Variants in IRF3 observed in about 807,000 individuals in gnomAD.
IRF3 encodes the protein interferon regulatory factor 3.
Under a neutral mutation model 43.2 loss-of-function variants are expected in IRF3, and 29 were observed. That is an observed-to-expected ratio of 0.67 (90% CI 0.50 to 0.91). The LOEUF (loss-of-function observed/expected upper bound fraction) is 0.91. IRF3 is among the 40% of genes least tolerant of loss of function. IRF3 has a pLI of 0.00. For missense variants in IRF3, 505 were observed against 559.1 expected, an observed-to-expected ratio of 0.90 and a Z score of 0.98; for synonymous variants, 228 against 233.9, an observed-to-expected ratio of 0.97 and a Z score of 0.23.
chr19:49,660,687 C>T (rs1298971066), intron 7 of IRF3, 26 bp downstream of exon 7: 1 of 1,552,166 alleles, frequency 6.4e-7, no homozygotes, highest in Non-Finnish European at 8.7e-7. Context: ...CCCCTTTCAG[C>T]CCCAGGGACT....
chr19:49,660,986 C>T (rs973925200), intron 6 of IRF3, 158 bp from the exon 7 acceptor site: 1 of 740,722 alleles, frequency 1.4e-6, no homozygotes. Context: ...CTCCTTCCCT[C>T]CCTCCCTCCC....
chr19:49,662,260 C>G lies in IRF3; in HGVS notation c.670G>C (p.Glu224Gln). Reference sequence around the variant, plus strand: ...TCGGACCCCACCAGCCGCAGGCCCTCCGGGCAGGAGATGGTCTGCTGGAAG... The same window carrying G: ...TCGGACCCCACCAGCCGCAGGCCCTGCGGGCAGGAGATGGTCTGCTGGAAG... ...QVFQQTISCPEGLRLVGSEVG... is the reference protein window; with the variant it reads ...QVFQQTISCPQGLRLVGSEVG... The change falls in exon 6 of 8, where the codon GAG (glutamate) becomes CAG (glutamine). Residue 224 changes from glutamate to glutamine, a missense_variant. Glu to Gln is a conservative substitution (Grantham distance 29). Transcript: ENST00000377139. The G allele has an allele frequency of 6.2e-7, 1 of 1,613,962 alleles. No homozygotes were observed. Among genetic ancestry groups the G allele is most frequent in the Non-Finnish European group, 8.5e-7 (1 of 1,180,054 alleles).
chr19:49,664,587 C>G (rs1277697336), intron 2 of IRF3, 87 bp downstream of exon 2: 3 of 1,610,852 alleles, frequency 1.9e-6, no homozygotes, highest in Non-Finnish European at 2.5e-6. Context: ...CGCGCGCCAC[C>G]TCCGCCTTCT....
chr19:49,665,705 C>T lies in IRF3; in HGVS notation c.-83G>A. 4 of 1,375,032 alleles carry T rather than the reference C, an allele frequency of 2.9e-6. No homozygotes were observed. Among genetic ancestry groups the T allele is most frequent in the African/African-American group, 1.4e-5 (1 of 69,112 alleles). The allele number at this position is 1,375,032 out of a possible 1,614,324, so 85.2% of individuals were successfully genotyped here. A position where few individuals can be genotyped will look rare whatever the true frequency, so the allele number is the denominator to read the frequency against. ...TGGAGCTCCGGGTAGCTCTCAAACT[C>T]GAGGCTGCGCACCCCCTTTCCCGTC... is the stretch of plus-strand genomic sequence containing the variant. On this transcript the variant is annotated 5_prime_UTR_variant, in exon 1 of 8. Transcript: ENST00000377139.
At chr19:49,659,933 G>T in intron 7 of IRF3, 100 bp from the exon 8 acceptor site, 1 of 1,310,786 alleles carries the variant, frequency 7.6e-7, no homozygotes, top group Non-Finnish European at 1.0e-6. Context: ...TGCAGCCCCT[G>T]CTGTAACCTA....
intron 6 of IRF3, 170 bp from the exon 7 acceptor site, chr19:49,660,998 C>T: frequency 2.8e-6 from 2 of 722,618 alleles, no homozygotes; most frequent in Middle Eastern, 3.9e-4. Context: ...CTCCCTCCCT[C>T]CCATCAGGGT....
At position 49,662,499 on chromosome 19, in the gene IRF3, A is replaced by G. The variant is rs372603167; in HGVS notation, c.527T>C (p.Leu176Ser). The change falls in exon 5 of 8, where the codon TTG (leucine) becomes TCG (serine). Residue 176 changes from leucine to serine, a missense_variant. Physicochemically the swap from Leu to Ser is moderately radical, Grantham distance 145. Coordinates refer to ENST00000377139, the MANE Select transcript of IRF3 (RefSeq NM_001571.6). ...GTTTGGGAAGGGAGTGGGATTGTCC[A>G]AGCTGGGGCTCCGCAGGGGCTGAGG... The part of the protein sequence containing the change: ...PCPQPLRSPS[L>S]DNPTPFPNLG... 6 of 1,570,688 alleles carry G rather than the reference A, an allele frequency of 3.8e-6. No individual in the cohort carries two copies. The African/African-American group carries it at 6.9e-5, about 18-fold the overall frequency.
At chr19:49,660,032 C>CG (rs1568452162) in intron 7 of IRF3, among the ~76,000 whole-genome samples, 199 bp from the exon 8 acceptor site, 8 of 143,838 alleles carry the variant, frequency 5.6e-5, no homozygotes, top group Non-Finnish European at 1.5e-5. Flanking sequence ...CACACACCCC[C>CG]TGCTGTAACT....
chr19:49,663,572 G>A, intron 2 of IRF3, 58 bp from the exon 3 acceptor site: 1 of 1,564,312 alleles, frequency 6.4e-7, no homozygotes, highest in South Asian at 1.1e-5. Flanking sequence ...CTGCTCCTGG[G>A]GCCCTAACCC....
chr19:49,662,184 C>A lies in IRF3; in HGVS notation c.746G>T (p.Gly249Val). The change falls in exon 6 of 8, where the codon GGC (glycine) becomes GTC (valine). Residue 249 changes from glycine to valine, a missense_variant. Physicochemically the swap from Gly to Val is moderately radical, Grantham distance 109 (BLOSUM62 -3). Transcript: ENST00000377139. Reference sequence around the variant, plus strand: ...CACTCCCCTGTCTGTCAGGGACATGCCAGGGTCTGGCAGTGTGACTGGCCA... The same window carrying A: ...CACTCCCCTGTCTGTCAGGGACATGACAGGGTCTGGCAGTGTGACTGGCCA... ...PGWPVTLPDP[G>V]MSLTDRGVMS... 1 of 1,614,144 alleles carries A rather than the reference C, an allele frequency of 6.2e-7. No homozygotes were observed. Among genetic ancestry groups the A allele is most frequent in the Non-Finnish European group, 8.5e-7 (1 of 1,180,048 alleles).
chr19:49,664,644 G>C, intron 2 of IRF3, 30 bp downstream of exon 2: 2 of 1,610,412 alleles, frequency 1.2e-6, no homozygotes, highest in Middle Eastern at 1.7e-4. Flanking sequence ...GCAGCTCCGG[G>C]TTTCCAGCGT....
chr19:49,662,654 A>G (rs1323259514), intron 4 of IRF3, 37 bp from the exon 5 acceptor site: 9 of 1,491,374 alleles, frequency 6.0e-6, no homozygotes, highest in Non-Finnish European at 7.2e-6. Context: ...AGGCATTTCC[A>G]TATCCTTTTC....
In IRF3 at chr19:49,662,488, T is replaced by A; in HGVS notation, c.538A>T (p.Thr180Ser). 6.3e-7 allele frequency: 1 copy of A among 1,582,546 alleles called. No individual in the cohort carries two copies. The highest frequency in any genetic ancestry group is 2.3e-5 in the East Asian group (1 of 43,602). ...PLRSPSLDNP[T>S]PFPNLGPSEN... ...GAGGGCCCCAGGTTTGGGAAGGGAG[T>A]GGGATTGTCCAAGCTGGGGCTCCGC... Residue 180 changes from threonine to serine, a missense_variant, in exon 5 of 8, where the codon ACT becomes TCT. Thr to Ser is a moderately conservative substitution (Grantham distance 58). Transcript: ENST00000377139.
At position 49,664,716 on chromosome 19, in the gene IRF3, G is replaced by A. The variant is rs780911464; in HGVS notation, c.123C>T (p.Gly41=). ...RTRFRIPWKH[G]LRQDAQQEDF... is the part of the protein sequence containing the mutation. ...CCTCCTGCTGTGCATCCTGCCGTAG[G>A]CCGTGCTTCCAAGGGATGCGGAAGC... The change falls in exon 2 of 8, where the codon GGC becomes GGT. Residue 41 remains glycine (G), a synonymous_variant. Coordinates refer to ENST00000377139, the MANE Select transcript of IRF3 (RefSeq NM_001571.6). 6.2e-7 allele frequency: 1 copy of A among 1,614,050 alleles called. No individual in the cohort carries two copies. The highest frequency in any genetic ancestry group is 8.5e-7 in the Non-Finnish European group (1 of 1,179,966).
Position 49,663,178 on chromosome 19 carries a change from ACATTC to A in IRF3, c.408+5_408+9del. 1 of 1,612,546 alleles carries A rather than the reference ACATTC, an allele frequency of 6.2e-7. No homozygotes were observed. The highest frequency in any genetic ancestry group is 1.1e-5 in the South Asian group (1 of 91,028). The stretch of plus-strand genomic sequence containing the variant: ...AGACTGAGGGGCATGAAAGTTGGGC[ACATTC>A]TCACCTGGGTATCAGAAGTACTGCC... On this transcript the variant is annotated splice_donor_5th_base_variant and intron_variant, in intron 4 of 7. Coordinates refer to ENST00000377139, the MANE Select transcript of IRF3 (RefSeq NM_001571.6).
intron 5 of IRF3, 27 bp from the exon 6 acceptor site, chr19:49,662,355 G>C (rs1473017954): frequency 1.2e-6 from 2 of 1,609,874 alleles, no homozygotes; most frequent in Middle Eastern, 1.7e-4. Context: ...GCGGCATGAA[G>C]GGGAGAGGGG....
chr19:49,665,715 C>G lies in IRF3; in HGVS notation c.-93G>C, dbSNP rs1000090313. On this transcript the variant is annotated 5_prime_UTR_variant, in exon 1 of 8. Coordinates refer to ENST00000377139, the MANE Select transcript of IRF3 (RefSeq NM_001571.6). ...GGTAGCTCTCAAACTCGAGGCTGCG[C>G]ACCCCCTTTCCCGTCAGCTGAGCTC... is the stretch of plus-strand genomic sequence containing the variant. 48 of 1,419,404 alleles carry G rather than the reference C, an allele frequency of 3.4e-5. No homozygotes were observed. The African/African-American group carries it at 4.6e-4, about 14-fold the overall frequency. 87.9% of individuals were successfully genotyped at this position (1,419,404 alleles called of 1,614,324 possible). A position where few individuals can be genotyped will look rare whatever the true frequency, so the allele number is the denominator to read the frequency against.
rs1384058449 is a variant in IRF3, at chr19:49,663,368, A to G, written c.312T>C (p.His104=). The G allele has an allele frequency of 1.2e-6, 2 of 1,614,086 alleles. No individual in the cohort carries two copies. Among genetic ancestry groups the G allele is most frequent in the Non-Finnish European group, 1.7e-6 (2 of 1,180,046 alleles). ...CTGAGTTCACAAACTCGTAGATTTT[A>G]TGTGGGTCGTGAGGGTCCTTGCTCC... ...EDRSKDPHDP[H]KIYEFVNSGV... Residue 104 remains histidine, a synonymous_variant, in exon 3 of 8, where the codon CAT becomes CAC. Coordinates refer to ENST00000377139, the MANE Select transcript of IRF3 (RefSeq NM_001571.6).
Position 49,662,165 on chromosome 19 carries a change from CCT to C in IRF3, c.763_764del (p.Arg255GlyfsTer53), listed in dbSNP as rs757904103. ...LPDPGMSLTD[R>X]GVMSYVRHVL... The stretch of plus-strand genomic sequence containing the variant: ...CATGCCTCACGTAGCTCATCACTCC[CCT>C]GTCTGTCAGGGACATGCCAGGGTCT... On this transcript the variant is annotated frameshift_variant, in exon 6 of 8. Coordinates refer to ENST00000377139, the MANE Select transcript of IRF3 (RefSeq NM_001571.6). LOFTEE classifies it high-confidence loss of function. 52 of 1,614,054 alleles carry C rather than the reference CCT, an allele frequency of 3.2e-5. No homozygotes were observed. The highest frequency in any genetic ancestry group is 4.3e-5 in the Non-Finnish European group (51 of 1,180,054).
Sources: allele counts gnomAD v4.1 joint callset (sites outside exome capture counted in the v4.1 genomes callset), GRCh38; gene constraint gnomAD v4.1.1; transcripts MANE v1.5; gene names NCBI Gene and HGNC (gene_info 2026-07-23, HGNC 2026-07-21).